The following TANK variants were observed in gnomAD, a reference collection of about 807,000 sequenced individuals.
TANK encodes TRAF family member-associated NF-kappa-B activator.
A neutral mutation model predicts 43.6 loss-of-function variants in TANK; 15 were observed. The ratio of observed to expected loss-of-function variants is 0.34; its 90% confidence interval spans 0.23 to 0.53. The LOEUF (loss-of-function observed/expected upper bound fraction) is 0.53. TANK is among the 20% of genes least tolerant of loss of function. The pLI, the probability that TANK is intolerant of heterozygous loss-of-function variation, is 0.94. For synonymous variants in TANK, 162 were observed against 178.2 expected (o/e 0.91, Z 0.73); for missense variants, 417 against 498.6 (o/e 0.84, Z 1.56).
chr2:161,222,384 A>G (rs1687390662), intron 4 of TANK, among the ~76,000 whole-genome samples: 2 of 148,986 alleles, frequency 1.3e-5, no homozygotes, highest in South Asian at 4.2e-4. Context: ...TTTGTTTGAC[A>G]TATTAAATTA....
At chr2:161,219,129 A>G (rs1687238720) in intron 4 of TANK, among the ~76,000 whole-genome samples, 1 of 152,264 alleles carries the variant, frequency 6.6e-6, no homozygotes, top group African/African-American at 2.4e-5. Flanking sequence ...TAGAAGACAG[A>G]TAGTAGAAAA....
rs892186721 is a variant in TANK at position 161,223,986 on chromosome 2, T to C, written c.399T>C (p.His133=). The C allele has an allele frequency of 6.3e-7, 1 of 1,588,270 alleles. No individual in the cohort carries two copies. Among genetic ancestry groups the C allele is most frequent in the Non-Finnish European group, 8.6e-7 (1 of 1,162,702 alleles). ...SARSLGSPLL[H]ERGNIEKTFW... is the part of the protein sequence containing the mutation. ...GGAGTCTTGGCAGTCCTTTGCTCCA[T>C]GAAAGGTAGTTCTACATCCTTTTTT... is the stretch of plus-strand genomic sequence containing the variant. Residue 133 remains histidine, a synonymous_variant, in exon 5 of 8, where the codon CAT becomes CAC. Coordinates refer to ENST00000392749, the MANE Select transcript of TANK (RefSeq NM_001199135.3).
At chr2:161,139,274 G>A (rs2105206437) in intron 1 of TANK, among the ~76,000 whole-genome samples, 1 of 152,174 alleles carries the variant, frequency 6.6e-6, no homozygotes, top group East Asian at 1.9e-4. Flanking sequence ...TTTCCCTAGT[G>A]GTTAACATTA....
chr2:161,213,532 G>A (rs1395530764), intron 4 of TANK, among the ~76,000 whole-genome samples: 1 of 150,638 alleles, frequency 6.6e-6, no homozygotes, highest in Middle Eastern at 3.2e-3. Flanking sequence ...GAACCTAGGA[G>A]ATGGAGGTTG....
intron 1 of TANK, among the ~76,000 whole-genome samples, chr2:161,149,162 T>G (rs1684002008): frequency 6.6e-6 from 1 of 152,222 alleles, no homozygotes; most frequent in Non-Finnish European, 1.5e-5. Flanking sequence ...TTCTATAATT[T>G]CTTTCAGAAA....
At chr2:161,215,841 C>T (rs1384697130) in intron 4 of TANK, among the ~76,000 whole-genome samples, 1 of 152,120 alleles carries the variant, frequency 6.6e-6, no homozygotes, top group African/African-American at 2.4e-5. Flanking sequence ...TGCTATGTTA[C>T]GAAAGCTGAT....
chr2:161,188,012 G>T (rs1685741655), intron 2 of TANK, among the ~76,000 whole-genome samples: 1 of 152,108 alleles, frequency 6.6e-6, no homozygotes, highest in Admixed American at 6.5e-5. Context: ...TGTGACAAAT[G>T]AAAATGTAAA....
intron 1 of TANK, chr2:161,161,412 G>T (rs1684428254): frequency 6.4e-7 from 1 of 1,550,840 alleles, no homozygotes; most frequent in South Asian, 1.2e-5. Flanking sequence ...CCAAACGAGA[G>T]GTAGCAGAGA....
intron 1 of TANK, chr2:161,137,362 T>A: frequency 2.8e-6 from 1 of 355,886 alleles, no homozygotes; most frequent in Non-Finnish European, 3.9e-6. Flanking sequence ...CATCTCTATT[T>A]AATAAATAAA....
intron 2 of TANK, 140 bp from the exon 3 acceptor site, chr2:161,203,347 G>T: frequency 1.7e-6 from 1 of 575,930 alleles, no homozygotes; most frequent in East Asian, 3.0e-5. Flanking sequence ...CATTCCTGGA[G>T]CCAGTTTGTA....
intron 1 of TANK, among the ~76,000 whole-genome samples, chr2:161,141,928 C>T (rs531805391): frequency 3.9e-5 from 6 of 152,246 alleles, no homozygotes; most frequent in Admixed American, 1.3e-4. Context: ...AATAGTTGAA[C>T]GAATTTACAT....
At chr2:161,177,304 A>G (rs1168489601) in intron 1 of TANK, among the ~76,000 whole-genome samples, 1 of 152,174 alleles carries the variant, frequency 6.6e-6, no homozygotes, top group East Asian at 1.9e-4. Context: ...GAGCCTGGTA[A>G]ATTACTTAAA....
chr2:161,224,002 A>G lies in TANK; in HGVS notation c.404+11A>G. 6.4e-7 allele frequency: 1 copy of G among 1,550,916 alleles called. No homozygotes were observed. Among genetic ancestry groups the G allele is most frequent in the Non-Finnish European group, 8.8e-7 (1 of 1,137,828 alleles). On this transcript the variant is annotated intron_variant, in intron 5 of 7. Transcript: ENST00000392749. ...TTTGCTCCATGAAAGGTAGTTCTAC[A>G]TCCTTTTTTCTCAACTCTTAAAAAT... is the stretch of plus-strand genomic sequence containing the variant.
chr2:161,203,936 C>A (rs1224723539), intron 3 of TANK, among the ~76,000 whole-genome samples: 1 of 152,032 alleles, frequency 6.6e-6, no homozygotes, highest in South Asian at 2.1e-4. Flanking sequence ...TGTTCAGGTA[C>A]TCAAAAATAT....
chr2:161,164,198 C>T (rs1456932497), intron 1 of TANK, among the ~76,000 whole-genome samples: 1 of 152,166 alleles, frequency 6.6e-6, no homozygotes, highest in Non-Finnish European at 1.5e-5. Flanking sequence ...TAAAAATAGA[C>T]TGTTGACATA....
chr2:161,181,747 G>A (rs1287088623), intron 2 of TANK, among the ~76,000 whole-genome samples: 2 of 151,956 alleles, frequency 1.3e-5, no homozygotes, highest in Non-Finnish European at 2.9e-5. Flanking sequence ...CCCAATATTG[G>A]GAATTAAAAT....
chr2:161,137,308 G>A, intron 1 of TANK: 1 of 929,640 alleles, frequency 1.1e-6, no homozygotes, highest in Non-Finnish European at 1.3e-6. Flanking sequence ...AGGATCACTT[G>A]AGCCCAGGAG....
intron 6 of TANK, among the ~76,000 whole-genome samples, chr2:161,228,543 A>T (rs1483408489): frequency 6.6e-6 from 1 of 152,272 alleles, no homozygotes; most frequent in Non-Finnish European, 1.5e-5. Flanking sequence ...CTCAAAAAAA[A>T]AAAAGTTAAT....
At chr2:161,222,048 G>A (rs933377830) in intron 4 of TANK, among the ~76,000 whole-genome samples, 2 of 152,058 alleles carry the variant, frequency 1.3e-5, no homozygotes, top group South Asian at 2.1e-4. Flanking sequence ...TTTACCAAGC[G>A]AGACAAAGGT....
Sources: allele counts gnomAD v4.1 joint callset (sites outside exome capture counted in the v4.1 genomes callset), GRCh38; gene constraint gnomAD v4.1.1; transcripts MANE v1.5; gene names NCBI Gene and HGNC (gene_info 2026-07-23, HGNC 2026-07-21).